TMLHE: variants seen among roughly 807,000 people sequenced by gnomAD.
The protein encoded by TMLHE is trimethyllysine dioxygenase, mitochondrial.
TMLHE carries 18 observed loss-of-function variants against 25.7 expected under a neutral mutation model. That is an observed-to-expected ratio of 0.70 (90% CI 0.48 to 1.04). The LOEUF is 1.04. TMLHE is among the 50% of genes least tolerant of loss of function. The pLI, the probability that TMLHE is intolerant of heterozygous loss-of-function variation, is 0.00. For missense variants in TMLHE, 236 were observed against 259.0 expected (o/e 0.91, Z 0.61); for synonymous variants, 105 against 97.0 (o/e 1.08, Z -0.49).
intron 2 of TMLHE, among the ~76,000 whole-genome samples, chrX:155,541,893 T>G (rs2067315025): frequency 9.4e-6 from 1 of 106,044 alleles, no homozygotes; most frequent in African/African-American, 3.6e-5. Flanking sequence ...GATGGGGTTG[T>G]TTTTTTTTTC....
chrX:155,509,579 C>A (rs1345778499), intron 5 of TMLHE, among the ~76,000 whole-genome samples: 1 of 111,799 alleles, frequency 8.9e-6, no homozygotes, highest in Non-Finnish European at 1.9e-5. Context: ...CTTCTTATCT[C>A]ATTTCCTCTT....
rs2067558565 is a variant in TMLHE at position 155,572,138 on chromosome X, C to G, written c.-1-26861G>C. Among the ~76,000 whole-genome samples the G allele has an allele frequency of 3.6e-5, 2 of 55,702 alleles. 1 individual carries two copies. Among genetic ancestry groups the G allele is most frequent in the African/African-American group, 8.8e-5 (2 of 22,852 alleles). The allele number at this position is 55,702 out of a possible 115,157, so 48.4% of individuals were successfully genotyped here. A position where few individuals can be genotyped will look rare whatever the true frequency, so the allele number is the denominator to read the frequency against. On this transcript the variant is annotated intron_variant, in intron 1 of 7. Transcript: ENST00000334398. ...AGCTGATAAGCAACTTCAGCAAAGT[C>G]TCAGGATACAAAATCAATGTGCAAA...
chrX:155,582,667 A>AAAC (rs2067638023), intron 1 of TMLHE, among the ~76,000 whole-genome samples: 1 of 112,019 alleles, frequency 8.9e-6, no homozygotes, highest in Admixed American at 9.5e-5. Context: ...AAAAGTCAGG[A>AAAC]AACAACAGGT....
chrX:155,573,919 C>T (rs181693080), intron 1 of TMLHE, among the ~76,000 whole-genome samples: 1,045 of 98,933 alleles, frequency 0.011, 19 homozygotes, highest in Middle Eastern at 0.02. Flanking sequence ...ACCAGCATGG[C>T]ACATGTATAC....
At chrX:155,522,741 T>C (rs1205789749) in intron 3 of TMLHE, among the ~76,000 whole-genome samples, 1 of 112,177 alleles carries the variant, frequency 8.9e-6, no homozygotes, top group African/African-American at 3.2e-5. Flanking sequence ...TAGGATTTTA[T>C]TGTATGGATG....
intron 1 of TMLHE, among the ~76,000 whole-genome samples, chrX:155,572,479 A>G (rs1473487709): frequency 1.8e-5 from 1 of 56,665 alleles, no homozygotes; most frequent in African/African-American, 4.3e-5. Context: ...GAATTAGAAA[A>G]AACTACTTTA....
intron 1 of TMLHE, among the ~76,000 whole-genome samples, chrX:155,598,283 C>A (rs1056059783): frequency 5.4e-5 from 6 of 110,497 alleles, no homozygotes; most frequent in Admixed American, 2.9e-4. Context: ...TTCACAATAG[C>A]AAAGAGTTGG....
intron 2 of TMLHE, among the ~76,000 whole-genome samples, chrX:155,537,547 A>G (rs1415618393): frequency 9.0e-6 from 1 of 110,580 alleles, no homozygotes; most frequent in Admixed American, 9.7e-5. Context: ...CACCCCGATA[A>G]TCCTTCAACC....
chrX:155,594,359 T>C (rs2067709672), intron 1 of TMLHE, among the ~76,000 whole-genome samples: 1 of 111,178 alleles, frequency 9.0e-6, no homozygotes, highest in Non-Finnish European at 1.9e-5. Context: ...AAATCTGTCC[T>C]TCAAAAATGA....
intron 1 of TMLHE, among the ~76,000 whole-genome samples, chrX:155,558,126 C>A (rs1391634150): frequency 1.8e-5 from 2 of 111,918 alleles, no homozygotes; most frequent in Non-Finnish European, 3.8e-5. Flanking sequence ...CTACCTGGTT[C>A]TGAGCTACCT....
At chrX:155,604,659 CCA>C (rs1387771563) in intron 1 of TMLHE, among the ~76,000 whole-genome samples, 2 of 111,016 alleles carry the variant, frequency 1.8e-5, no homozygotes, top group Non-Finnish European at 3.8e-5. Flanking sequence ...GGAGAGGAGC[CCA>C]CACCCTCAGA....
At chrX:155,555,477 A>C (rs1557340656) in intron 1 of TMLHE, among the ~76,000 whole-genome samples, 1 of 110,520 alleles carries the variant, frequency 9.0e-6, no homozygotes, top group Non-Finnish European at 1.9e-5. Context: ...TGGTTGAACT[A>C]GTTTACAGTC....
chrX:155,526,199 C>G, intron 2 of TMLHE, among the ~76,000 whole-genome samples: 1 of 113,019 alleles, frequency 8.8e-6, no homozygotes, highest in Non-Finnish European at 1.9e-5. Flanking sequence ...TTTTGTGGGC[C>G]AGGCCCAGGG....
chrX:155,583,603 A>C (rs2067646272), intron 1 of TMLHE, among the ~76,000 whole-genome samples: 1 of 112,078 alleles, frequency 8.9e-6, no homozygotes, highest in Non-Finnish European at 1.9e-5. Flanking sequence ...AATGTAGTAC[A>C]TATGCAAAAT....
chrX:155,582,590 A>G (rs2067637239), intron 1 of TMLHE, among the ~76,000 whole-genome samples: 1 of 112,350 alleles, frequency 8.9e-6, no homozygotes, highest in African/African-American at 3.2e-5. Flanking sequence ...ATCACTGGCC[A>G]TCAGAGAAAT....
At chrX:155,527,190 T>C (rs1271538245) in intron 2 of TMLHE, among the ~76,000 whole-genome samples, 1 of 111,978 alleles carries the variant, frequency 8.9e-6, no homozygotes, top group Non-Finnish European at 1.9e-5. Flanking sequence ...TAATCCCCAA[T>C]GTTGGGGGAG....
chrX:155,548,116 A>G (rs1479023243), intron 1 of TMLHE, among the ~76,000 whole-genome samples: 1 of 112,078 alleles, frequency 8.9e-6, no homozygotes, highest in Non-Finnish European at 1.9e-5. Context: ...AAAGACTTAA[A>G]TCTAAGACCG....
chrX:155,540,537 A>C (rs1373004543), intron 2 of TMLHE, among the ~76,000 whole-genome samples: 2 of 111,353 alleles, frequency 1.8e-5, no homozygotes, highest in Non-Finnish European at 3.8e-5. Context: ...AGAAATGCTA[A>C]AGGGATCCTT....
chrX:155,512,684 T>A (rs1557333895), intron 4 of TMLHE, among the ~76,000 whole-genome samples: 1 of 111,612 alleles, frequency 9.0e-6, no homozygotes, highest in Admixed American at 9.6e-5. Context: ...TTTTGGATAA[T>A]CCAATTTGCA....
Sources: allele counts gnomAD v4.1 joint callset (sites outside exome capture counted in the v4.1 genomes callset), GRCh38; gene constraint gnomAD v4.1.1; transcripts MANE v1.5; gene names NCBI Gene and HGNC (gene_info 2026-07-23, HGNC 2026-07-21).